BRPF1: variants seen among roughly 807,000 people sequenced by gnomAD.
BRPF1 encodes the protein bromodomain and PHD finger containing 1.
A neutral mutation model predicts 115.0 loss-of-function variants in BRPF1; 15 were observed. The observed-to-expected ratio is 0.13, with a 90% CI of 0.09 to 0.20. BRPF1 has a LOEUF of 0.20. Ranked by LOEUF, BRPF1 falls within the 10% of genes least tolerant of loss-of-function variation. BRPF1 has a pLI of 1.00. For synonymous variants in BRPF1, 647 were observed against 619.8 expected (o/e 1.04, Z -0.65); for missense variants, 1,118 against 1,638.3 (o/e 0.68, Z 5.48).
chr3:9,740,739 A>C, intron 3 of BRPF1, 40 bp from the exon 4 acceptor site: 1 of 1,606,766 alleles, frequency 6.2e-7, no homozygotes, highest in Non-Finnish European at 8.5e-7. Context: ...TAAGAGAATC[A>C]GGGCCCAACA....
chr3:9,744,863 C>A, intron 9 of BRPF1, 145 bp from the exon 10 acceptor site: 3 of 1,096,162 alleles, frequency 2.7e-6, no homozygotes, highest in Non-Finnish European at 4.1e-6. Context: ...AGACACTGCC[C>A]AGAGCTAGCT....
rs779722039 is a variant in BRPF1, at chr3:9,747,224, G to A, written c.3538G>A (p.Glu1180Lys). Residue 1180 changes from glutamate to lysine, a missense_variant, in exon 14 of 14, where the codon GAG becomes AAG. By Grantham distance (56) the Glu-to-Lys change is moderately conservative (BLOSUM62 1). Transcript: ENST00000383829. This position sits in a 1 kb window ranked among gnomAD's most constrained non-coding sequence, Gnocchi z 5.6. ...PLGVNQDLDK[E>K]KMLEGRKSNI... ...GGGTGTGAACCAGGACCTAGACAAGGAGAAGATGCTGGAGGGCCGCAAGTC... is the reference window on the plus strand; with the variant it reads ...GGGTGTGAACCAGGACCTAGACAAGAAGAAGATGCTGGAGGGCCGCAAGTC... 1 of 1,614,072 alleles carries A rather than the reference G, an allele frequency of 6.2e-7. No individual in the cohort carries two copies. Among genetic ancestry groups the A allele is most frequent in the Non-Finnish European group, 8.5e-7 (1 of 1,180,052 alleles).
chr3:9,735,952 A>C (rs890682287), intron 2 of BRPF1, among the ~76,000 whole-genome samples: 26 of 150,536 alleles, frequency 1.7e-4, no homozygotes, highest in Non-Finnish European at 3.0e-4. Flanking sequence ...AAAAGCTTTT[A>C]TATGAAAAGC....
rs767673914 is a variant in BRPF1, at chr3:9,739,892, G to A, written c.1493G>A (p.Arg498Gln). 9.5e-6 allele frequency: 15 copies of A among 1,581,768 alleles called. No individual in the cohort carries two copies. The highest frequency in any genetic ancestry group is 2.3e-5 in the East Asian group (1 of 43,754). Residue 498 changes from arginine (R) to glutamine (Q), a missense_variant, in exon 3 of 14, where the codon CGG becomes CAG. Arg to Gln is a conservative substitution (Grantham distance 43). Around this residue, in one of 10 missense-constraint regions of BRPF1, gnomAD observed 178 missense variants for 303.7 expected, o/e 0.59. Transcript: ENST00000383829. ...TCCCGGATCAAAATGAAGAAGGCAC[G>A]GAAGATCCTGGCAGAGAAGCGGGCA... ...AKSRIKMKKA[R>Q]KILAEKRAAA... is the part of the protein sequence containing the mutation.
intron 1 of BRPF1, chr3:9,733,333 A>T (rs1038512976): frequency 6.6e-6 from 1 of 152,254 alleles, no homozygotes; most frequent in Admixed American, 6.5e-5. Flanking sequence ...CTGAGCTCTC[A>T]GTCTGGTGAT....
intron 2 of BRPF1, 62 bp from the exon 3 acceptor site, chr3:9,738,937 C>A (rs1434617603): frequency 6.7e-7 from 1 of 1,483,002 alleles, no homozygotes; most frequent in Non-Finnish European, 9.0e-7. Flanking sequence ...GCAAATGACC[C>A]ATCATCTTTA....
chr3:9,740,975 C>T, intron 4 of BRPF1, 34 bp downstream of exon 4: 1 of 1,593,916 alleles, frequency 6.3e-7, no homozygotes, highest in Non-Finnish European at 8.5e-7. Flanking sequence ...GCTCTGGGAA[C>T]TAGCGCCAGG....
intron 9 of BRPF1, 49 bp downstream of exon 9, chr3:9,744,557 A>C (rs2077090396): frequency 7.3e-7 from 1 of 1,371,878 alleles, no homozygotes; most frequent in African/African-American, 1.5e-5. Flanking sequence ...CAAAGCTGCC[A>C]TTCTTCCCAG....
chr3:9,741,861 A>G (rs1452795515), intron 5 of BRPF1, among the ~76,000 whole-genome samples, 164 bp from the exon 6 acceptor site: 3 of 152,110 alleles, frequency 2.0e-5, no homozygotes, highest in African/African-American at 4.8e-5. Flanking sequence ...TGTTGGTGCA[A>G]GTTTCCCTGG....
intron 9 of BRPF1, among the ~76,000 whole-genome samples, 171 bp from the exon 10 acceptor site, chr3:9,744,837 T>C (rs1182299368): frequency 6.6e-6 from 1 of 152,240 alleles, no homozygotes; most frequent in Non-Finnish European, 1.5e-5. Flanking sequence ...GGAGCAGGGC[T>C]GTGGCCAACT....
In BRPF1 at chr3:9,744,513, G is replaced by C. The variant is rs1338876245; in HGVS notation, c.2920+5G>C. On this transcript the variant is annotated splice_donor_5th_base_variant and intron_variant, in intron 9 of 13. Transcript: ENST00000383829. ...CCACAGAAGACCCCCCAATGGGTGA[G>C]CCTTACCATCACCCAGCCCCCCAAG... is the stretch of plus-strand genomic sequence containing the variant. 2.0e-6 allele frequency: 3 copies of C among 1,504,660 alleles called. No homozygotes were observed. Among genetic ancestry groups the C allele is most frequent in the South Asian group, 1.4e-5 (1 of 73,030 alleles). 93.2% of individuals were successfully genotyped at this position (1,504,660 alleles called of 1,614,324 possible).
chr3:9,741,624 G>A (rs1212940808), intron 5 of BRPF1, among the ~76,000 whole-genome samples, 185 bp downstream of exon 5: 2 of 138,004 alleles, frequency 1.4e-5, no homozygotes, highest in Admixed American at 7.5e-5. Flanking sequence ...GCGACAGAGC[G>A]AGACTCCGTC....
Position 9,745,916 on chromosome 3 carries a change from T to G in BRPF1, c.3310T>G (p.Ser1104Ala). The G allele has an allele frequency of 6.2e-7, 1 of 1,613,240 alleles. No individual in the cohort carries two copies. Among genetic ancestry groups the G allele is most frequent in the Non-Finnish European group, 8.5e-7 (1 of 1,179,520 alleles). The stretch of plus-strand genomic sequence containing the variant: ...GTGGGCCAAATGCCGAGGCTATCCA[T>G]CATACCCAGCTCTGGTATGCTTGCT... The part of the protein sequence containing the change: ...LVWAKCRGYP[S>A]YPALIIDPKM... The change falls in exon 12 of 14, where the codon TCA (serine) becomes GCA (alanine). Residue 1104 changes from serine (S) to alanine (A), a missense_variant. Physicochemically the swap from Ser to Ala is moderately conservative, Grantham distance 99. Coordinates refer to ENST00000383829, the MANE Select transcript of BRPF1 (RefSeq NM_001003694.2). The surrounding 1 kb of genome is among the most constrained non-coding windows in gnomAD (Gnocchi z 5.1).
In BRPF1 at chr3:9,739,311, C is replaced by T. The variant is rs1219159187; in HGVS notation, c.912C>T (p.Cys304=). ...GCAACCTGGCCGTGCACCAGGAGTG[C>T]TACGGTGTCCCCTATATCCCTGAGG... The part of the protein sequence containing the change: ...DMCNLAVHQE[C]YGVPYIPEGQ... The change falls in exon 3 of 14, where the codon TGC becomes TGT. Residue 304 remains cysteine (C), a synonymous_variant. Coordinates refer to ENST00000383829, the MANE Select transcript of BRPF1 (RefSeq NM_001003694.2). The T allele has an allele frequency of 1.2e-6, 2 of 1,614,170 alleles. No individual in the cohort carries two copies. The highest frequency in any genetic ancestry group is 2.2e-5 in the South Asian group (2 of 91,088).
chr3:9,745,539 C>T lies in BRPF1; in HGVS notation c.3069-34C>T. On this transcript the variant is annotated intron_variant, in intron 10 of 13. Transcript: ENST00000383829. The surrounding 1 kb of genome is among the most constrained non-coding windows in gnomAD (Gnocchi z 5.1). ...CCATGCTGTTCCCCATTCTTCCCCT[C>T]CTTTGAGCTGAGCTCCCATTGTCTT... 1.2e-6 allele frequency: 2 copies of T among 1,609,144 alleles called. No homozygotes were observed. Among genetic ancestry groups the T allele is most frequent in the African/African-American group, 1.3e-5 (1 of 74,976 alleles).
rs759226313 is a variant in BRPF1, at chr3:9,747,178, C to G, written c.3492C>G (p.Pro1164=). The G allele has an allele frequency of 5.6e-6, 9 of 1,614,108 alleles. No homozygotes were observed. The highest frequency in any genetic ancestry group is 6.8e-6 in the Non-Finnish European group (8 of 1,180,034). ...FDNKRTWQWL[P]RTKLVPLGVN... is the part of the protein sequence containing the mutation. ...CCTTATCCTATAGGCAGTGGCTGCC[C>G]AGGACCAAGCTGGTTCCTCTGGGTG... Residue 1164 remains proline (P), a synonymous_variant, in exon 14 of 14, where the codon CCC becomes CCG. Transcript: ENST00000383829. This position sits in a 1 kb window ranked among gnomAD's most constrained non-coding sequence, Gnocchi z 5.6.
intron 1 of BRPF1, among the ~76,000 whole-genome samples, chr3:9,732,894 G>A (rs1186769814): frequency 6.6e-6 from 1 of 152,150 alleles, no homozygotes; most frequent in Non-Finnish European, 1.5e-5. Context: ...ACTCAACTAG[G>A]CCGAGAGAAA....
chr3:9,735,189 T>C (rs944013956), intron 2 of BRPF1, among the ~76,000 whole-genome samples: 3 of 152,066 alleles, frequency 2.0e-5, no homozygotes, highest in African/African-American at 7.3e-5. Context: ...TTTTTAAAAT[T>C]TTTTGTAGAG....
chr3:9,734,225 C>G lies in BRPF1; in HGVS notation c.85C>G (p.Arg29Gly). Residue 29 changes from arginine to glycine, a missense_variant, in exon 2 of 14, where the codon CGA becomes GGA. This residue lies in a region of BRPF1 where 280 missense variants were observed against 382.8 expected (regional missense o/e 0.73). Coordinates refer to ENST00000383829, the MANE Select transcript of BRPF1 (RefSeq NM_001003694.2). This position sits in a 1 kb window ranked among gnomAD's most constrained non-coding sequence, Gnocchi z 5.7. ...PPYECPVETC[R>G]KVYKSYSGIE... The stretch of plus-strand genomic sequence containing the variant: ...ATACGAGTGCCCGGTGGAGACCTGC[C>G]GAAAGGTCTACAAGAGTTACAGTGG... The G allele has an allele frequency of 1.9e-6, 3 of 1,614,030 alleles. No individual in the cohort carries two copies. Among genetic ancestry groups the G allele is most frequent in the East Asian group, 2.2e-5 (1 of 44,886 alleles).
Sources: gnomAD v4.1 joint callset for allele counts (sites outside exome capture counted in the v4.1 genomes callset) on GRCh38, gnomAD v4.1.1 for gene constraint, gnomAD v4.1.1 regional missense constraint, Gnocchi (gnomAD v3.1) non-coding constraint, MANE v1.5 for transcripts, NCBI Gene and HGNC (gene_info 2026-07-23, HGNC 2026-07-21) for gene names.